MLIP: variants seen among roughly 807,000 people sequenced by gnomAD.
The protein encoded by MLIP is muscular LMNA-interacting protein.
MLIP carries 79 observed loss-of-function variants against 84.8 expected under a neutral mutation model. That is an observed-to-expected ratio of 0.93 (90% CI 0.78 to 1.12). The LOEUF (loss-of-function observed/expected upper bound fraction) is 1.12, where lower values mean the gene tolerates loss of function less well. Among genes scored for constraint, MLIP ranks in the 50% most tolerant of loss-of-function variants. The pLI, the probability that MLIP is intolerant of heterozygous loss-of-function variation, is 0.00. For missense variants in MLIP, 1,257 were observed against 1,160.6 expected (o/e 1.08, Z -1.21); for synonymous variants, 504 against 463.0 (o/e 1.09, Z -1.14).
intron 3 of MLIP, among the ~76,000 whole-genome samples, chr6:54,125,641 G>A (rs1770861555): frequency 1.3e-5 from 2 of 152,218 alleles, no homozygotes; most frequent in Non-Finnish European, 2.9e-5. Flanking sequence ...CTGACGAAGT[G>A]TAGTTAGAAT....
intron 1 of MLIP, among the ~76,000 whole-genome samples, chr6:54,060,383 A>G (rs547514901): frequency 6.6e-6 from 1 of 152,342 alleles, no homozygotes; most frequent in Non-Finnish European, 1.5e-5. Context: ...TTATTCACCT[A>G]TGTTGTAATT....
intron 8 of MLIP, among the ~76,000 whole-genome samples, chr6:54,163,348 A>G (rs1774854103): frequency 6.6e-6 from 1 of 151,830 alleles, no homozygotes; most frequent in Non-Finnish European, 1.5e-5. Flanking sequence ...AGGGACTTTA[A>G]GCCATTTATA....
chr6:54,081,020 T>G (rs1018928232), intron 1 of MLIP, among the ~76,000 whole-genome samples: 1 of 152,154 alleles, frequency 6.6e-6, no homozygotes, highest in Non-Finnish European at 1.5e-5. Context: ...GATTCATGAT[T>G]TTATGATTCT....
chr6:54,054,741 G>A (rs1765557970), intron 1 of MLIP, among the ~76,000 whole-genome samples: 1 of 152,176 alleles, frequency 6.6e-6, no homozygotes, highest in South Asian at 2.1e-4. Flanking sequence ...GTTAAAGTCA[G>A]TGTGCTTGTA....
rs571926112 is a variant in MLIP at position 54,266,259 on chromosome 6, G to T, written c.*304G>T. On this transcript the variant is annotated 3_prime_UTR_variant, in exon 14 of 14. Coordinates refer to ENST00000502396, the MANE Select transcript of MLIP (RefSeq NM_001281747.2). ...CCCCTATATTTGGCAGCCAAATAAAGAAGAATCGTGGGTAAATAGAAGAAT... is the reference window on the plus strand; with the variant it reads ...CCCCTATATTTGGCAGCCAAATAAATAAGAATCGTGGGTAAATAGAAGAAT... 3 of 296,942 alleles carry T rather than the reference G, an allele frequency of 1.0e-5. No homozygotes were observed. The East Asian group carries it at 1.7e-4, about 17-fold the overall frequency. The allele number at this position is 296,942 out of a possible 1,614,324, so 18.4% of individuals were successfully genotyped here.
intron 12 of MLIP, among the ~76,000 whole-genome samples, chr6:54,248,047 C>T (rs150180149): frequency 9.8e-4 from 149 of 152,144 alleles, no homozygotes; most frequent in Middle Eastern, 3.4e-3. Flanking sequence ...ATGGGATTAA[C>T]GCAGGGGCAG....
At chr6:54,232,396 G>C (rs917988912) in intron 12 of MLIP, among the ~76,000 whole-genome samples, 1 of 152,074 alleles carries the variant, frequency 6.6e-6, no homozygotes, top group Non-Finnish European at 1.5e-5. Context: ...AGGCTGAGAA[G>C]AACAAAAGCT....
rs149694036 is a variant in MLIP, at chr6:54,199,408, G to A, written c.2590-2697G>A. 3.7e-3 allele frequency among the ~76,000 whole-genome samples: 566 copies of A among 152,156 alleles called. 2 individuals carry two copies. The highest frequency in any genetic ancestry group is 0.013 in the African/African-American group (532 of 41,500). The stretch of plus-strand genomic sequence containing the variant: ...GATGAGATGATCTATCTAAAATATT[G>A]AGTTCAGTTTTTGATTCTATATTGA... On this transcript the variant is annotated intron_variant, in intron 10 of 13. Transcript: ENST00000502396.
chr6:54,020,625 T>A (rs1763443886), intron 1 of MLIP, among the ~76,000 whole-genome samples: 1 of 152,216 alleles, frequency 6.6e-6, no homozygotes, highest in Non-Finnish European at 1.5e-5. Flanking sequence ...TCGAAGTGAT[T>A]CGATGTATTA....
intron 1 of MLIP, among the ~76,000 whole-genome samples, chr6:54,099,824 A>G (rs912190473): frequency 9.9e-5 from 15 of 152,186 alleles, no homozygotes; most frequent in Non-Finnish European, 2.1e-4. Context: ...TAGACTTATC[A>G]ATTAACAAAA....
At chr6:54,085,737 T>C (rs1767442705) in intron 1 of MLIP, among the ~76,000 whole-genome samples, 1 of 152,218 alleles carries the variant, frequency 6.6e-6, no homozygotes, top group African/African-American at 2.4e-5. Flanking sequence ...TGTGAAGAGC[T>C]GCCTACCAGT....
chr6:54,033,109 T>C (rs1303890531), intron 1 of MLIP, among the ~76,000 whole-genome samples: 1 of 152,158 alleles, frequency 6.6e-6, no homozygotes, highest in East Asian at 1.9e-4. Context: ...TGATTGATAG[T>C]TTAAGATAAA....
chr6:54,132,235 C>T (rs528036987), intron 3 of MLIP, among the ~76,000 whole-genome samples: 2 of 152,148 alleles, frequency 1.3e-5, no homozygotes, highest in Admixed American at 6.5e-5. Context: ...CACTATTCAC[C>T]ACAATGATAT....
At chr6:54,028,294 G>T (rs1162533088) in intron 1 of MLIP, among the ~76,000 whole-genome samples, 5 of 151,822 alleles carry the variant, frequency 3.3e-5, no homozygotes, top group African/African-American at 1.2e-4. Flanking sequence ...CCCCCAGCTT[G>T]GTCTTCAAAA....
intron 11 of MLIP, among the ~76,000 whole-genome samples, chr6:54,214,403 G>T (rs1251408517): frequency 6.6e-6 from 1 of 152,092 alleles, no homozygotes; most frequent in Non-Finnish European, 1.5e-5. Flanking sequence ...GATTTATCAG[G>T]GATTATCTTC....
chr6:54,158,288 A>G (rs1458701031), intron 5 of MLIP, among the ~76,000 whole-genome samples: 1 of 152,112 alleles, frequency 6.6e-6, no homozygotes, highest in African/African-American at 2.4e-5. Flanking sequence ...GGAGAAGGGA[A>G]CCTGTAATTC....
intron 11 of MLIP, among the ~76,000 whole-genome samples, chr6:54,220,261 A>G (rs1284858148): frequency 6.6e-6 from 1 of 152,182 alleles, no homozygotes; most frequent in African/African-American, 2.4e-5. Context: ...GCATTATGGC[A>G]TCATACTTGA....
intron 1 of MLIP, among the ~76,000 whole-genome samples, chr6:54,054,040 G>A (rs1208316668): frequency 6.6e-6 from 1 of 152,178 alleles, no homozygotes; most frequent in African/African-American, 2.4e-5. Context: ...CCACAAGGGA[G>A]AAATGTACCT....
At chr6:54,155,706 G>T (rs1029829076) in intron 5 of MLIP, among the ~76,000 whole-genome samples, 2 of 152,052 alleles carry the variant, frequency 1.3e-5, no homozygotes, top group African/African-American at 4.8e-5. Flanking sequence ...TTTACACAAG[G>T]ACTTTGATTT....
Sources: gnomAD v4.1 joint callset for allele counts (sites outside exome capture counted in the v4.1 genomes callset) on GRCh38, gnomAD v4.1.1 for gene constraint, MANE v1.5 for transcripts, NCBI Gene and HGNC (gene_info 2026-07-23, HGNC 2026-07-21) for gene names.